The following KCND3 variants were observed in gnomAD, a reference collection of about 807,000 sequenced individuals.
KCND3 encodes potassium voltage-gated channel subfamily D member 3.
KCND3 carries 9 observed loss-of-function variants against 51.1 expected under a neutral mutation model. The ratio of observed to expected loss-of-function variants is 0.18; its 90% CI spans 0.11 to 0.31. KCND3 has a LOEUF of 0.31. KCND3 is among the 10% of genes least tolerant of loss of function. KCND3 has a pLI of 1.00. For synonymous variants in KCND3, 349 were observed against 368.0 expected (o/e 0.95, Z 0.59); for missense variants, 526 against 903.8 (o/e 0.58, Z 5.36).
At chr1:111,932,074 G>A (rs796943333) in intron 2 of KCND3, among the ~76,000 whole-genome samples, 4 of 152,266 alleles carry the variant, frequency 2.6e-5, no homozygotes, top group African/African-American at 9.6e-5. Flanking sequence ...GCAGCAGGCC[G>A]AGTCCTTCTC....
Position 111,975,721 on chromosome 1 carries a change from C to G in KCND3, c.1106+5900G>C, listed in dbSNP as rs188570549. 2.0e-5 allele frequency among the ~76,000 whole-genome samples: 3 copies of G among 152,274 alleles called. No individual in the cohort carries two copies. The East Asian group carries it at 5.8e-4, about 29-fold the overall frequency. On this transcript the variant is annotated intron_variant, in intron 2 of 7. Coordinates refer to ENST00000302127, the MANE Select transcript of KCND3 (RefSeq NM_001378969.1). Reference sequence around the variant, plus strand: ...CTACATGAGCTGCTTCCCCTGTTACCTCTCTGGCCTCATCTCCTGGTACTC... The same window carrying G: ...CTACATGAGCTGCTTCCCCTGTTACGTCTCTGGCCTCATCTCCTGGTACTC...
chr1:111,794,247 G>T (rs1369631764), intron 2 of KCND3, among the ~76,000 whole-genome samples: 1 of 152,224 alleles, frequency 6.6e-6, no homozygotes, highest in Non-Finnish European at 1.5e-5. Context: ...AACTTAAGCT[G>T]CACAAACCAC....
At chr1:111,935,613 G>A (rs1010317736) in intron 2 of KCND3, among the ~76,000 whole-genome samples, 2 of 152,196 alleles carry the variant, frequency 1.3e-5, no homozygotes, top group African/African-American at 4.8e-5. Context: ...TGATGGAGAT[G>A]GTGACAGCCT....
chr1:111,844,162 C>G (rs1667449976), intron 2 of KCND3, among the ~76,000 whole-genome samples: 1 of 152,254 alleles, frequency 6.6e-6, no homozygotes, highest in East Asian at 1.9e-4. Context: ...TTAAAACGAC[C>G]TGTGACACGT....
At chr1:111,886,707 CACA>C (rs566918001) in intron 2 of KCND3, among the ~76,000 whole-genome samples, 21 of 152,222 alleles carry the variant, frequency 1.4e-4, no homozygotes, top group Non-Finnish European at 2.2e-4. Flanking sequence ...CCTGACTTTT[CACA>C]ACATCCTGGC....
At chr1:111,855,173 A>G (rs1316508095) in intron 2 of KCND3, among the ~76,000 whole-genome samples, 1 of 152,112 alleles carries the variant, frequency 6.6e-6, no homozygotes, top group East Asian at 1.9e-4. Context: ...GAAACCTCAC[A>G]ACCAGAGCTC....
chr1:111,904,601 C>A (rs1670551307), intron 2 of KCND3, among the ~76,000 whole-genome samples: 1 of 152,170 alleles, frequency 6.6e-6, no homozygotes, highest in Non-Finnish European at 1.5e-5. Context: ...GTACCCAGTG[C>A]AGGAGCTAAA....
Position 111,771,080 on chromosome 1 carries a change from C to T in KCND3, c.*4997G>A, listed in dbSNP as rs1253319984. The T allele has an allele frequency of 6.6e-6, 1 of 152,134 alleles. No individual in the cohort carries two copies. Among genetic ancestry groups the T allele is most frequent in the Non-Finnish European group, 1.5e-5 (1 of 68,020 alleles). 9.4% of individuals were successfully genotyped at this position (152,134 alleles called of 1,614,324 possible). A position where few individuals can be genotyped will look rare whatever the true frequency, so the allele number is the denominator to read the frequency against. ...ATAGTCCATTGGTCCAAGGAGCCCC[C>T]CAGGACTTGGGTCAGTGCCGTACAC... On this transcript the variant is annotated 3_prime_UTR_variant, in exon 8 of 8. Transcript: ENST00000302127.
chr1:111,971,240 C>T (rs537023307), intron 2 of KCND3, among the ~76,000 whole-genome samples: 1 of 149,564 alleles, frequency 6.7e-6, no homozygotes, highest in South Asian at 2.1e-4. Context: ...TAGCAAAGCT[C>T]ATAAATTCTG....
chr1:111,833,766 G>GA (rs1666953505), intron 2 of KCND3, among the ~76,000 whole-genome samples: 1 of 152,188 alleles, frequency 6.6e-6, no homozygotes, highest in Non-Finnish European at 1.5e-5. Context: ...AGATAGCTGA[G>GA]AAATAGTGTG....
chr1:111,822,291 T>TG (rs1295803458), intron 2 of KCND3, among the ~76,000 whole-genome samples: 1 of 152,158 alleles, frequency 6.6e-6, no homozygotes, highest in Non-Finnish European at 1.5e-5. Context: ...TTGGTGACAT[T>TG]GTTTAAACTG....
chr1:111,781,649 A>G (rs71673435), intron 3 of KCND3, among the ~76,000 whole-genome samples: 5,439 of 152,208 alleles, frequency 0.036, 135 homozygotes, highest in East Asian at 0.073. Context: ...CCTCCTGAGT[A>G]GCTGGGATTA....
chr1:111,853,895 A>G (rs1667937830), intron 2 of KCND3: 1 of 152,236 alleles, frequency 6.6e-6, no homozygotes, highest in African/African-American at 2.4e-5. Context: ...AGTGCTTGGC[A>G]TTTGGTACTT....
At chr1:111,846,133 T>C (rs1667536425) in intron 2 of KCND3, among the ~76,000 whole-genome samples, 1 of 152,226 alleles carries the variant, frequency 6.6e-6, no homozygotes. Flanking sequence ...CTAACTGGGA[T>C]TGTCTGTGAG....
chr1:111,971,160 C>T (rs1674305651), intron 2 of KCND3, among the ~76,000 whole-genome samples: 1 of 152,180 alleles, frequency 6.6e-6, no homozygotes, highest in African/African-American at 2.4e-5. Context: ...GGTCCTTGGT[C>T]TGTGGCCATT....
intron 2 of KCND3, among the ~76,000 whole-genome samples, chr1:111,918,051 A>G (rs1671304586): frequency 6.6e-6 from 1 of 152,222 alleles, no homozygotes; most frequent in African/African-American, 2.4e-5. Flanking sequence ...TGAGGCTCCT[A>G]GAAGACTAAA....
chr1:111,900,759 C>T (rs1394313951), intron 2 of KCND3, among the ~76,000 whole-genome samples: 12 of 152,042 alleles, frequency 7.9e-5, no homozygotes, highest in African/African-American at 2.2e-4. Context: ...GAATTCGAGA[C>T]CAGCCTGGCC....
chr1:111,975,394 G>C (rs1167247376), intron 2 of KCND3, among the ~76,000 whole-genome samples: 1 of 152,106 alleles, frequency 6.6e-6, no homozygotes, highest in Non-Finnish European at 1.5e-5. Context: ...CCCTGTTGTG[G>C]GAGCTGGTGA....
chr1:111,826,897 T>TC (rs1406121309), intron 2 of KCND3, among the ~76,000 whole-genome samples: 5 of 152,226 alleles, frequency 3.3e-5, no homozygotes, highest in African/African-American at 9.6e-5. Context: ...AGGTTGAGTA[T>TC]CCCTTATCCA....
Sources: allele counts gnomAD v4.1 joint callset (sites outside exome capture counted in the v4.1 genomes callset), GRCh38; gene constraint gnomAD v4.1.1; transcripts MANE v1.5; gene names NCBI Gene and HGNC (gene_info 2026-07-23, HGNC 2026-07-21).